SGCD: variants seen among roughly 807,000 people sequenced by gnomAD.
The protein encoded by SGCD is delta-sarcoglycan.
In SGCD, 18 loss-of-function variants were observed where a neutral mutation model predicts 36.6. The ratio of observed to expected loss-of-function variants is 0.49; its 90% confidence interval spans 0.34 to 0.73. SGCD has a LOEUF of 0.73. Ranked by LOEUF, SGCD falls within the 30% of genes least tolerant of loss-of-function variation. The pLI is 0.01. For synonymous variants in SGCD, 133 were observed against 130.6 expected (o/e 1.02, Z -0.12); for missense variants, 387 against 346.7 (o/e 1.12, Z -0.92).
chr5:156,488,242 G>A (rs1755790598), intron 3 of SGCD, among the ~76,000 whole-genome samples: 1 of 150,748 alleles, frequency 6.6e-6, no homozygotes, highest in African/African-American at 2.4e-5. Flanking sequence ...CAATGGCATA[G>A]AAATCCTATT....
In SGCD at chr5:156,626,453, A is replaced by G. The variant is rs142126176; in HGVS notation, c.503-21011A>G. 1.7e-3 allele frequency among the ~76,000 whole-genome samples: 255 copies of G among 152,344 alleles called. 1 individual carries two copies. The highest frequency in any genetic ancestry group is 5.8e-3 in the African/African-American group (243 of 41,574). ...AGTATTGACAGAAGCAACAAACTCA[A>G]GATGAGAGCTCTCCAGCAGAAAGCT... is the stretch of plus-strand genomic sequence containing the variant. On this transcript the variant is annotated intron_variant, in intron 6 of 8. Transcript: ENST00000337851.
intron 3 of SGCD, among the ~76,000 whole-genome samples, chr5:156,297,375 C>A (rs1031676012): frequency 7.9e-5 from 12 of 151,974 alleles, no homozygotes. Context: ...ATAGCAAAGA[C>A]TTGGAACCAA....
At chr5:156,542,069 G>A (rs1162874123) in intron 4 of SGCD, among the ~76,000 whole-genome samples, 3 of 152,012 alleles carry the variant, frequency 2.0e-5, no homozygotes, top group Non-Finnish European at 2.9e-5. Flanking sequence ...TGTTTTTAAG[G>A]CTAGTGAACC....
At chr5:155,958,896 A>G (rs113449211) in intron 1 of SGCD, among the ~76,000 whole-genome samples, 10,517 of 152,168 alleles carry the variant, frequency 0.069, 437 homozygotes, top group African/African-American at 0.1. Flanking sequence ...GAAGGCAGGC[A>G]GTAGGGGTGA....
intron 3 of SGCD, among the ~76,000 whole-genome samples, chr5:156,240,272 G>A (rs145002011): frequency 1.3e-5 from 2 of 152,228 alleles, no homozygotes; most frequent in East Asian, 3.9e-4. Context: ...TTCAAATATA[G>A]AATAGAAGTA....
chr5:156,226,491 A>G (rs886875792), intron 3 of SGCD, among the ~76,000 whole-genome samples: 4 of 152,128 alleles, frequency 2.6e-5, no homozygotes, highest in African/African-American at 7.2e-5. Flanking sequence ...GGTTGGTTCT[A>G]TGATTTTGCA....
intron 6 of SGCD, among the ~76,000 whole-genome samples, chr5:156,604,385 T>A (rs910201586): frequency 1.3e-5 from 2 of 152,002 alleles, no homozygotes; most frequent in African/African-American, 2.4e-5. Context: ...TCCATTTACA[T>A]TCAAAGTTAT....
chr5:156,144,601 A>C (rs1282880565), intron 3 of SGCD, among the ~76,000 whole-genome samples: 3 of 152,046 alleles, frequency 2.0e-5, no homozygotes, highest in Admixed American at 6.5e-5. Context: ...TTTTTCTTAT[A>C]AATTTGTTTG....
the SGCD span, among the ~76,000 whole-genome samples, chr5:155,769,798 A>T: frequency 6.6e-6 from 1 of 152,090 alleles, no homozygotes; most frequent in Non-Finnish European, 1.5e-5. Context: ...TCTATTATAC[A>T]TTTGTACTCA....
At chr5:156,444,250 T>C (rs893455601) in intron 3 of SGCD, among the ~76,000 whole-genome samples, 7 of 151,472 alleles carry the variant, frequency 4.6e-5, no homozygotes, top group Non-Finnish European at 8.8e-5. Context: ...TTCTGTTTGC[T>C]TTTTCCTCTA....
At chr5:156,744,111 A>C (rs1446194524) in intron 7 of SGCD, among the ~76,000 whole-genome samples, 1 of 152,234 alleles carries the variant, frequency 6.6e-6, no homozygotes, top group Non-Finnish European at 1.5e-5. Context: ...GCTCGAGCCC[A>C]GGAGTTCAAA....
chr5:156,044,822 GT>G (rs1290998269), intron 1 of SGCD, among the ~76,000 whole-genome samples: 1 of 152,082 alleles, frequency 6.6e-6, no homozygotes, highest in Admixed American at 6.6e-5. Flanking sequence ...CAAACCATAA[GT>G]TTGTGTATAT....
At chr5:156,185,216 T>C (rs547617518) in intron 3 of SGCD, among the ~76,000 whole-genome samples, 37 of 35,038 alleles carry the variant, frequency 1.1e-3, no homozygotes, top group Non-Finnish European at 1.4e-3. Flanking sequence ...AATTTTCTTT[T>C]TTTTTTTTTT....
chr5:156,370,322 G>T (rs1249172852), intron 3 of SGCD, among the ~76,000 whole-genome samples: 2 of 152,116 alleles, frequency 1.3e-5, no homozygotes, highest in African/African-American at 2.4e-5. Context: ...ATGTTGCTGT[G>T]GAAGAGGGAG....
At chr5:156,405,068 G>A (rs2127765168) in intron 3 of SGCD, among the ~76,000 whole-genome samples, 1 of 152,310 alleles carries the variant, frequency 6.6e-6, no homozygotes, top group East Asian at 1.9e-4. Context: ...TCTGGGTATA[G>A]AGGTCACAGA....
At chr5:155,890,038 T>G (rs1756087540) in intron 1 of SGCD, among the ~76,000 whole-genome samples, 1 of 152,208 alleles carries the variant, frequency 6.6e-6, no homozygotes, top group Admixed American at 6.5e-5. Flanking sequence ...AAGTGCAGAT[T>G]CTAAGACTCC....
chr5:156,568,939 T>C (rs1486373001), intron 4 of SGCD, among the ~76,000 whole-genome samples: 1 of 152,254 alleles, frequency 6.6e-6, no homozygotes, highest in Non-Finnish European at 1.5e-5. Context: ...TTATTATGTA[T>C]GTACACCAAT....
At chr5:155,919,521 T>C (rs1183259197) in intron 1 of SGCD, among the ~76,000 whole-genome samples, 1 of 152,194 alleles carries the variant, frequency 6.6e-6, no homozygotes, top group African/African-American at 2.4e-5. Flanking sequence ...ACTGCTTCAT[T>C]GCAAAAACTG....
At chr5:156,441,398 C>T (rs149844182) in intron 3 of SGCD, among the ~76,000 whole-genome samples, 49 of 152,106 alleles carry the variant, frequency 3.2e-4, no homozygotes, top group East Asian at 1.9e-3. Context: ...TTCATGGGGA[C>T]GTTTTGTAAA....
Sources: allele counts gnomAD v4.1 joint callset (sites outside exome capture counted in the v4.1 genomes callset), GRCh38; gene constraint gnomAD v4.1.1; transcripts MANE v1.5; gene names NCBI Gene and HGNC (gene_info 2026-07-23, HGNC 2026-07-21).